AUTS2: variants seen among roughly 807,000 people sequenced by gnomAD.
AUTS2 encodes the protein autism susceptibility gene 2 protein.
In AUTS2, 17 loss-of-function variants were observed where a neutral mutation model predicts 112.4. That is an observed-to-expected ratio of 0.15 (90% CI 0.10 to 0.23). The LOEUF (loss-of-function observed/expected upper bound fraction) is 0.23, where lower values mean the gene tolerates loss of function less well. AUTS2 is among the 10% of genes least tolerant of loss of function. AUTS2 has a pLI of 1.00. For synonymous variants in AUTS2, 751 were observed against 702.7 expected (o/e 1.07, Z -1.09); for missense variants, 1,510 against 1,701.6 (o/e 0.89, Z 1.98).
chr7:69,938,539 A>T (rs1293593842), intron 2 of AUTS2, among the ~76,000 whole-genome samples: 1 of 152,264 alleles, frequency 6.6e-6, no homozygotes, highest in Non-Finnish European at 1.5e-5. Flanking sequence ...AATAAATCTC[A>T]AGACATGACC....
intron 6 of AUTS2, among the ~76,000 whole-genome samples, chr7:70,727,251 T>C (rs1408387300): frequency 6.6e-6 from 1 of 152,208 alleles, no homozygotes. Flanking sequence ...GCAACGGTAA[T>C]TGTACACAAG....
At chr7:70,614,665 C>G (rs1474707000) in intron 5 of AUTS2, among the ~76,000 whole-genome samples, 2 of 152,230 alleles carry the variant, frequency 1.3e-5, no homozygotes, top group Admixed American at 6.5e-5. Flanking sequence ...CGCTGGCCTT[C>G]TTAGCCTGGG....
intron 5 of AUTS2, among the ~76,000 whole-genome samples, chr7:70,648,537 G>A (rs1186213163): frequency 3.9e-5 from 6 of 152,114 alleles, no homozygotes; most frequent in African/African-American, 9.7e-5. Flanking sequence ...GTAGAAACAC[G>A]ATATAAAAAC....
chr7:70,648,873 A>G (rs757295911), intron 5 of AUTS2, among the ~76,000 whole-genome samples: 2 of 152,210 alleles, frequency 1.3e-5, no homozygotes, highest in African/African-American at 2.4e-5. Flanking sequence ...GATATGAGCC[A>G]CCGCGCCCAG....
chr7:70,295,346 A>G (rs1262194878), intron 4 of AUTS2, among the ~76,000 whole-genome samples: 1 of 152,140 alleles, frequency 6.6e-6, no homozygotes, highest in Non-Finnish European at 1.5e-5. Context: ...TACACCTCAG[A>G]CCCACTGGAG....
intron 5 of AUTS2, among the ~76,000 whole-genome samples, chr7:70,678,798 AG>A (rs1240959185): frequency 6.6e-6 from 1 of 152,152 alleles, no homozygotes; most frequent in Admixed American, 6.5e-5. Flanking sequence ...GCAACTTCCA[AG>A]GGGCCCCTAG....
At chr7:70,371,008 A>T (rs545920577) in intron 4 of AUTS2, among the ~76,000 whole-genome samples, 2 of 152,252 alleles carry the variant, frequency 1.3e-5, no homozygotes, top group African/African-American at 4.8e-5. Context: ...TAAGAGATTG[A>T]TATGGATAGG....
intron 1 of AUTS2, among the ~76,000 whole-genome samples, chr7:69,608,761 T>A (rs540862112): frequency 3.2e-4 from 49 of 152,362 alleles, no homozygotes; most frequent in African/African-American, 1.1e-3. Context: ...GACCGTGCTT[T>A]TCTAAGAAAT....
chr7:70,462,329 G>A (rs1224012750), intron 5 of AUTS2, among the ~76,000 whole-genome samples: 2 of 152,054 alleles, frequency 1.3e-5, no homozygotes, highest in Non-Finnish European at 2.9e-5. Flanking sequence ...TTGGAAAAAA[G>A]CAATTAAAAA....
rs772657089 is a variant in AUTS2 at position 70,790,154 on chromosome 7, G to C, written c.2938G>C (p.Val980Leu). The change falls in exon 19 of 19, where the codon GTC becomes CTC. Residue 980 changes from valine to leucine, a missense_variant. By Grantham distance (32) the Val-to-Leu change is conservative (BLOSUM62 1). This residue lies in a region of AUTS2 where 788 missense variants were observed against 797.6 expected (regional missense o/e 0.99). Coordinates refer to ENST00000342771, the MANE Select transcript of AUTS2 (RefSeq NM_015570.4). The surrounding 1 kb of genome is among the most constrained non-coding windows in gnomAD (Gnocchi z 7.6). ...AYENPKKSSE[V>L]KVKEERKEDH... is the part of the protein sequence containing the mutation. ...CGAGAACCCCAAGAAGAGCTCCGAG[G>C]TCAAGGTGAAGGAGGAGCGGAAGGA... The C allele has an allele frequency of 6.2e-7, 1 of 1,611,712 alleles. No individual in the cohort carries two copies. Among genetic ancestry groups the C allele is most frequent in the Non-Finnish European group, 8.5e-7 (1 of 1,179,512 alleles).
chr7:69,917,633 TA>T (rs971170091), intron 2 of AUTS2, among the ~76,000 whole-genome samples: 10 of 152,150 alleles, frequency 6.6e-5, no homozygotes, highest in African/African-American at 2.2e-4. Context: ...AGTTACAATA[TA>T]TTGTTTTTTG....
chr7:70,377,325 A>AATATATAT lies in AUTS2; in HGVS notation c.661-58385_661-58378dup, dbSNP rs58244266. Among the ~76,000 whole-genome samples the AATATATAT allele has an allele frequency of 8.9e-3, 464 of 51,988 alleles. 4 individuals are homozygous for AATATATAT. The highest frequency in any genetic ancestry group is 0.013 in the Non-Finnish European group (344 of 27,100). 34.1% of individuals were successfully genotyped at this position (51,988 alleles called of 152,430 possible). ...TTTGGGTCTCAAACAAACAAATATA[A>AATATATAT]ATATATATATATATATATATATATA... is the stretch of plus-strand genomic sequence containing the variant. On this transcript the variant is annotated intron_variant, in intron 4 of 18. Transcript: ENST00000342771.
rs746051322 is a variant in AUTS2 at position 70,775,420 on chromosome 7, C to T, written c.1932+34C>T. On this transcript the variant is annotated intron_variant, in intron 13 of 18. Coordinates refer to ENST00000342771, the MANE Select transcript of AUTS2 (RefSeq NM_015570.4). ...GCTTCTTATAGAACTGTTTTGCAACCTCTATTTGACTCCCTGTGGGTTAAA... is the reference window on the plus strand; with the variant it reads ...GCTTCTTATAGAACTGTTTTGCAACTTCTATTTGACTCCCTGTGGGTTAAA... 29 of 1,549,574 alleles carry T rather than the reference C, an allele frequency of 1.9e-5. No homozygotes were observed. In the Admixed American group the frequency reaches 4.3e-4, roughly 23 times the overall value.
chr7:69,775,888 C>CTT lies in AUTS2; in HGVS notation c.310-123398_310-123397insTT, dbSNP rs1788872482. The stretch of plus-strand genomic sequence containing the variant: ...TTTGACAGTGCAAATACCCCGGTCT[C>CTT]ATTTCTCTGCTTTTAAATAATAGAT... On this transcript the variant is annotated intron_variant, in intron 1 of 18. Transcript: ENST00000342771. 1.3e-5 allele frequency among the ~76,000 whole-genome samples: 2 copies of CTT among 152,172 alleles called. 1 individual carries two copies. Among genetic ancestry groups the CTT allele is most frequent in the South Asian group, 4.1e-4 (2 of 4,822 alleles).
At chr7:70,640,439 A>AAG (rs1805759870) in intron 5 of AUTS2, among the ~76,000 whole-genome samples, 1 of 151,312 alleles carries the variant, frequency 6.6e-6, no homozygotes, top group Non-Finnish European at 1.5e-5. Context: ...AAAAAAAAAA[A>AAG]AAACCATAAA....
intron 2 of AUTS2, among the ~76,000 whole-genome samples, chr7:70,093,166 C>A (rs1381144882): frequency 1.3e-5 from 2 of 152,066 alleles, no homozygotes; most frequent in African/African-American, 4.8e-5. Flanking sequence ...ATTCGTAGCC[C>A]GTATTTTCAG....
intron 2 of AUTS2, among the ~76,000 whole-genome samples, chr7:70,068,816 G>T (rs894762423): frequency 6.6e-6 from 1 of 152,168 alleles, no homozygotes; most frequent in Non-Finnish European, 1.5e-5. Flanking sequence ...GCTCACACAT[G>T]TCAGAAGGAA....
At chr7:70,258,679 T>C (rs1787008587) in intron 4 of AUTS2, among the ~76,000 whole-genome samples, 1 of 152,068 alleles carries the variant, frequency 6.6e-6, no homozygotes, top group African/African-American at 2.4e-5. Context: ...GCTGTGAAAA[T>C]GGCATTTGTT....
intron 5 of AUTS2, among the ~76,000 whole-genome samples, chr7:70,668,418 C>T (rs186962126): frequency 2.0e-5 from 3 of 152,324 alleles, no homozygotes; most frequent in East Asian, 3.9e-4. Context: ...TGAAAGACCC[C>T]CAAATTGCCA....
Sources: gnomAD v4.1 joint callset for allele counts (sites outside exome capture counted in the v4.1 genomes callset) on GRCh38, gnomAD v4.1.1 for gene constraint, gnomAD v4.1.1 regional missense constraint, Gnocchi (gnomAD v3.1) non-coding constraint, MANE v1.5 for transcripts, NCBI Gene and HGNC (gene_info 2026-07-23, HGNC 2026-07-21) for gene names.